Variants in ASPH observed in about 807,000 individuals in gnomAD.
ASPH encodes aspartate beta-hydroxylase, also known as aspartyl/asparaginyl beta-hydroxylase.
ASPH carries 100 observed loss-of-function variants against 118.4 expected under a neutral mutation model. That is an observed-to-expected ratio of 0.84 (90% CI 0.72 to 1.00). The LOEUF (loss-of-function observed/expected upper bound fraction) is 1.00, where lower values mean the gene tolerates loss of function less well. ASPH is among the 50% of genes least tolerant of loss of function. The pLI, the probability that ASPH is intolerant of heterozygous loss-of-function variation, is 0.00. For missense variants in ASPH, 920 were observed against 919.5 expected (o/e 1.00, Z -0.01); for synonymous variants, 315 against 325.6 (o/e 0.97, Z 0.35).
At chr8:61,681,997 A>C (rs939362560) in intron 2 of ASPH, among the ~76,000 whole-genome samples, 4 of 151,956 alleles carry the variant, frequency 2.6e-5, no homozygotes, top group African/African-American at 9.7e-5. Context: ...TACTAAAAAA[A>C]AATTTTGGCA....
chr8:61,586,838 T>C (rs565820111), intron 14 of ASPH, among the ~76,000 whole-genome samples: 1 of 152,194 alleles, frequency 6.6e-6, no homozygotes, highest in African/African-American at 2.4e-5. Flanking sequence ...TAGAAGGAAC[T>C]TGAAGTTCAG....
At chr8:61,525,809 T>G (rs898408639) in intron 22 of ASPH, among the ~76,000 whole-genome samples, 168 bp downstream of exon 22, 4 of 152,196 alleles carry the variant, frequency 2.6e-5, no homozygotes, top group Non-Finnish European at 5.9e-5. Context: ...AGGGCTCAGA[T>G]GTAGTTTTCA....
In ASPH at chr8:61,500,735, T is replaced by TGAC. The variant is rs1457820991; in HGVS notation, c.*2621_*2623dup. The TGAC allele has an allele frequency of 6.6e-6, 1 of 152,254 alleles. No homozygotes were observed. Among genetic ancestry groups the TGAC allele is most frequent in the Admixed American group, 6.5e-5 (1 of 15,286 alleles). 9.4% of individuals were successfully genotyped at this position (152,254 alleles called of 1,614,324 possible). On this transcript the variant is annotated 3_prime_UTR_variant, in exon 25 of 25. Transcript: ENST00000379454. Reference sequence around the variant, plus strand: ...TCTCTTATTCGCCCAGCCATCTGCATGACATGGGTATTTATTAGTATTACC... The same window carrying TGAC: ...TCTCTTATTCGCCCAGCCATCTGCATGACGACATGGGTATTTATTAGTATTACC...
At chr8:61,712,222 A>T (rs1838216643) in intron 1 of ASPH, among the ~76,000 whole-genome samples, 1 of 152,200 alleles carries the variant, frequency 6.6e-6, no homozygotes, top group African/African-American at 2.4e-5. Flanking sequence ...AGTAGAAGGA[A>T]ATGGTTCGCA....
chr8:61,602,269 T>A (rs1456002622), intron 14 of ASPH, among the ~76,000 whole-genome samples: 1 of 151,488 alleles, frequency 6.6e-6, no homozygotes, highest in East Asian at 1.9e-4. Flanking sequence ...ATGAGTTTTA[T>A]CTCAGAAATG....
At chr8:61,561,155 T>C (rs1213265997) in intron 18 of ASPH, among the ~76,000 whole-genome samples, 1 of 140,388 alleles carries the variant, frequency 7.1e-6, no homozygotes, top group South Asian at 2.2e-4. Flanking sequence ...AGTTAGGAAT[T>C]CTACAAGTTC....
At chr8:61,653,488 T>C in intron 4 of ASPH, 80 bp downstream of exon 4, 1 of 1,363,270 alleles carries the variant, frequency 7.3e-7, no homozygotes, top group Non-Finnish European at 1.0e-6. Flanking sequence ...AAATTCCAGG[T>C]AAAACGTGAT....
At chr8:61,568,912 C>A (rs1832644321) in intron 16 of ASPH, among the ~76,000 whole-genome samples, 1 of 152,044 alleles carries the variant, frequency 6.6e-6, no homozygotes, top group Admixed American at 6.5e-5. Flanking sequence ...GGGTAATGTG[C>A]AGACAAGGGG....
intron 13 of ASPH, chr8:61,624,062 A>T: frequency 3.1e-6 from 1 of 327,478 alleles, no homozygotes; most frequent in Non-Finnish European, 4.4e-6. Flanking sequence ...GAAGATGGTT[A>T]ATGGGTACAA....
chr8:61,669,989 C>A (rs745541988), intron 3 of ASPH, among the ~76,000 whole-genome samples: 1 of 152,154 alleles, frequency 6.6e-6, no homozygotes, highest in Non-Finnish European at 1.5e-5. Context: ...GAAATGAACA[C>A]ATGAACAAAG....
At chr8:61,595,253 AC>A (rs1842200896) in intron 14 of ASPH, among the ~76,000 whole-genome samples, 2 of 152,180 alleles carry the variant, frequency 1.3e-5, no homozygotes, top group Admixed American at 1.3e-4. Context: ...CAAATACCCA[AC>A]TGTGAAGATC....
intron 16 of ASPH, among the ~76,000 whole-genome samples, chr8:61,572,210 C>T (rs1833666299): frequency 6.6e-6 from 1 of 152,184 alleles, no homozygotes; most frequent in Non-Finnish European, 1.5e-5. Flanking sequence ...CAAATGTCTG[C>T]ATGGACCTTC....
intron 22 of ASPH, among the ~76,000 whole-genome samples, chr8:61,522,456 A>T (rs2059088321): frequency 6.6e-6 from 1 of 151,834 alleles, no homozygotes; most frequent in South Asian, 2.1e-4. Context: ...TCATTTTCTC[A>T]TCCCTAGTGA....
intron 1 of ASPH, among the ~76,000 whole-genome samples, chr8:61,705,317 C>A (rs1387962832): frequency 3.9e-5 from 6 of 152,076 alleles, no homozygotes; most frequent in African/African-American, 1.2e-4. Flanking sequence ...ACCTGTGTGA[C>A]AAAATTATCT....
rs1449018789 is a variant in ASPH, at chr8:61,500,658, T to TGAC, written c.*2700_*2701insGTC. On this transcript the variant is annotated 3_prime_UTR_variant, in exon 25 of 25. Coordinates refer to ENST00000379454, the MANE Select transcript of ASPH (RefSeq NM_004318.4). The stretch of plus-strand genomic sequence containing the variant: ...ACATAAAATAAACAGACATCATATA[T>TGAC]GATATCCTTACTTGTGCCATGTTTT... 6.6e-6 allele frequency: 1 copy of TGAC among 152,168 alleles called. No individual in the cohort carries two copies. The highest frequency in any genetic ancestry group is 1.9e-4 in the East Asian group (1 of 5,196). The allele number at this position is 152,168 out of a possible 1,614,324, so 9.4% of individuals were successfully genotyped here.
chr8:61,681,042 A>G lies in ASPH; in HGVS notation c.254-6T>C, dbSNP rs769487842. ...ATCATAGATTCCTAGTTTTCCTATA[A>G]TAGGGCAGAAATGATGGATATGGGA... On this transcript the variant is annotated splice_polypyrimidine_tract_variant and splice_region_variant and intron_variant, in intron 2 of 24. Transcript: ENST00000379454. 2.5e-6 allele frequency: 4 copies of G among 1,588,032 alleles called. No individual in the cohort carries two copies. In the South Asian group the frequency reaches 3.5e-5, roughly 14 times the overall value.
At position 61,643,349 on chromosome 8, in the gene ASPH, T is replaced by C. The variant is rs150889271; in HGVS notation, c.757+37A>G. On this transcript the variant is annotated intron_variant, in intron 9 of 24. Transcript: ENST00000379454. ...CAGCATGTGATTGAAAAATCTAAGG[T>C]AATATTTTAAATCTAATGAAAATGC... 230 of 1,579,388 alleles carry C rather than the reference T, an allele frequency of 1.5e-4. No homozygotes were observed. The African/African-American group carries it at 2.7e-3, about 18-fold the overall frequency.
At chr8:61,584,283 A>C (rs1195047169) in intron 14 of ASPH, among the ~76,000 whole-genome samples, 1 of 152,202 alleles carries the variant, frequency 6.6e-6, no homozygotes, top group Non-Finnish European at 1.5e-5. Flanking sequence ...TAGTATACTG[A>C]AACTCTCCAG....
chr8:61,647,879 G>A (rs6471967), intron 5 of ASPH, among the ~76,000 whole-genome samples: 126,519 of 152,116 alleles, frequency 0.83, 52,753 homozygotes, highest in African/African-American at 0.87. Context: ...TGGACATGTT[G>A]CATGATTCCA....
Sources: gnomAD v4.1 joint callset for allele counts (sites outside exome capture counted in the v4.1 genomes callset) on GRCh38, gnomAD v4.1.1 for gene constraint, MANE v1.5 for transcripts, NCBI Gene and HGNC (gene_info 2026-07-23, HGNC 2026-07-21) for gene names.